Variants in DRC1 observed in about 807,000 individuals in gnomAD.
DRC1 encodes dynein regulatory complex subunit 1, also known as dynein regulatory complex protein 1.
Under a neutral mutation model 98.7 loss-of-function variants are expected in DRC1, and 74 were observed. That is an observed-to-expected ratio of 0.75 (90% CI 0.62 to 0.91). DRC1 has a LOEUF of 0.91. Ranked by LOEUF, DRC1 falls within the 40% of genes least tolerant of loss-of-function variation. DRC1 has a pLI of 0.00. For synonymous variants in DRC1, 336 were observed against 334.1 expected (o/e 1.01, Z -0.06); for missense variants, 875 against 886.0 (o/e 0.99, Z 0.16).
intron 7 of DRC1, among the ~76,000 whole-genome samples, chr2:26,433,292 G>C (rs923463377): frequency 6.6e-5 from 10 of 152,202 alleles, no homozygotes; most frequent in African/African-American, 2.2e-4. Context: ...AGAAAAAGGT[G>C]TTAGATGAAA....
chr2:26,453,272 C>T (rs1253778208), intron 13 of DRC1, 48 bp from the exon 14 acceptor site: 4 of 1,605,774 alleles, frequency 2.5e-6, no homozygotes, highest in East Asian at 2.2e-5. Flanking sequence ...TCTCCATGCT[C>T]ATGCTCGTGT....
At chr2:26,451,946 A>G (rs1340425254) in intron 13 of DRC1, among the ~76,000 whole-genome samples, 2 of 152,242 alleles carry the variant, frequency 1.3e-5, no homozygotes, top group Non-Finnish European at 1.5e-5. Flanking sequence ...AACAAAAGGA[A>G]CAGATAACAA....
Position 26,449,921 on chromosome 2 carries a change from G to C in DRC1, c.1510-75G>C, listed in dbSNP as rs141027814. 13,336 of 1,349,728 alleles carry C rather than the reference G, an allele frequency of 9.9e-3. 106 individuals are homozygous for C. The highest frequency in any genetic ancestry group is 0.012 in the Non-Finnish European group (11,658 of 960,482). The allele number at this position is 1,349,728 out of a possible 1,614,324, so 83.6% of individuals were successfully genotyped here. ...GGCATGGTCCCTGGAGTGTTACACAGGGGGCAGCTGCAGACCCTGGGACTC... is the reference window on the plus strand; with the variant it reads ...GGCATGGTCCCTGGAGTGTTACACACGGGGCAGCTGCAGACCCTGGGACTC... On this transcript the variant is annotated intron_variant, in intron 11 of 16. Transcript: ENST00000288710.
intron 2 of DRC1, among the ~76,000 whole-genome samples, chr2:26,418,709 T>TTA (rs1320440194): frequency 8.9e-5 from 10 of 111,770 alleles, no homozygotes; most frequent in African/African-American, 3.3e-4. Flanking sequence ...TATATTTAAT[T>TTA]TATATAATAT....
chr2:26,419,841 A>G (rs1437387768), intron 2 of DRC1, among the ~76,000 whole-genome samples: 2 of 152,208 alleles, frequency 1.3e-5, no homozygotes, highest in Non-Finnish European at 2.9e-5. Flanking sequence ...TGGAGATGGA[A>G]TTTACGAAGA....
intron 13 of DRC1, 30 bp downstream of exon 13, chr2:26,450,711 TTTTC>T: frequency 1.3e-6 from 2 of 1,484,214 alleles, no homozygotes; most frequent in Non-Finnish European, 1.8e-6. Context: ...GAAGAAAGCA[TTTTC>T]TTTCTTTCTT....
chr2:26,429,850 G>T, intron 5 of DRC1, 85 bp downstream of exon 5: 1 of 1,432,374 alleles, frequency 7.0e-7, no homozygotes, highest in South Asian at 1.4e-5. Flanking sequence ...TCTAAGGAGG[G>T]CCCTACATGA....
chr2:26,453,594 G>A, intron 14 of DRC1, 45 bp downstream of exon 14: 3 of 1,577,218 alleles, frequency 1.9e-6, no homozygotes, highest in Non-Finnish European at 2.6e-6. Flanking sequence ...AGAACCAGGG[G>A]AGCTGGATGG....
At chr2:26,451,426 A>G (rs1404921613) in intron 13 of DRC1, among the ~76,000 whole-genome samples, 1 of 152,278 alleles carries the variant, frequency 6.6e-6, no homozygotes, top group Non-Finnish European at 1.5e-5. Context: ...ATTAAAAGTC[A>G]TATAACATTT....
rs562609934 is a variant in DRC1, at chr2:26,445,320, C to T, written c.1396+372C>T. Reference sequence around the variant, plus strand: ...AAATGGTGATATGTTAGATTCTGTTCTTGTGTCTTTATTTAACAGAATACT... The same window carrying T: ...AAATGGTGATATGTTAGATTCTGTTTTTGTGTCTTTATTTAACAGAATACT... On this transcript the variant is annotated intron_variant, in intron 10 of 16. Transcript: ENST00000288710. Among the ~76,000 whole-genome samples, 5 of 152,254 alleles carry T rather than the reference C, an allele frequency of 3.3e-5. No individual in the cohort carries two copies. The East Asian group carries it at 9.6e-4, about 29-fold the overall frequency.
intron 2 of DRC1, among the ~76,000 whole-genome samples, chr2:26,418,211 C>G (rs1215838560): frequency 1.3e-5 from 2 of 151,980 alleles, no homozygotes; most frequent in Non-Finnish European, 2.9e-5. Context: ...CACCTTCAAC[C>G]TATATGTGCC....
rs1558438278 is a variant in DRC1 at position 26,418,673 on chromosome 2, A to AT, written c.244-2615_244-2614insT. Among the ~76,000 whole-genome samples, 3 of 83,888 alleles carry AT rather than the reference A, an allele frequency of 3.6e-5. No homozygotes were observed. In the East Asian group the frequency reaches 8.3e-4, roughly 23 times the overall value. 55.0% of individuals were successfully genotyped at this position (83,888 alleles called of 152,430 possible). Reference sequence around the variant, plus strand: ...ATATAAATTATATATTATATAAATTAAATATAATTTATATTATATATAAAT... The same window carrying AT: ...ATATAAATTATATATTATATAAATTATAATATAATTTATATTATATATAAAT... On this transcript the variant is annotated intron_variant, in intron 2 of 16. Coordinates refer to ENST00000288710, the MANE Select transcript of DRC1 (RefSeq NM_145038.5).
In DRC1 at chr2:26,421,400, G is replaced by T; in HGVS notation, c.356G>T (p.Arg119Met). 1 of 1,612,020 alleles carries T rather than the reference G, an allele frequency of 6.2e-7. No homozygotes were observed. The highest frequency in any genetic ancestry group is 8.5e-7 in the Non-Finnish European group (1 of 1,178,602). The change falls in exon 3 of 17, where the codon AGG becomes ATG. Residue 119 changes from arginine (R) to methionine (M), a missense_variant and splice_region_variant. By Grantham distance (91) the Arg-to-Met change is moderately conservative. Transcript: ENST00000288710. The part of the protein sequence containing the change: ...RVEEEEIKRQ[R>M]IEKLENEVKT... ...GAAGAAGAGGAGATAAAGCGTCAAA[G>T]GTAAGGACTGTGCTACTCTGCAGCT...
At chr2:26,440,713 A>T (rs1663696695) in intron 8 of DRC1, among the ~76,000 whole-genome samples, 196 bp downstream of exon 8, 1 of 152,182 alleles carries the variant, frequency 6.6e-6, no homozygotes, top group African/African-American at 2.4e-5. Flanking sequence ...TTCCGTCCCC[A>T]TTCATCTTGT....
At chr2:26,408,122 CTT>C (rs1678482287) in intron 1 of DRC1, among the ~76,000 whole-genome samples, 1 of 152,128 alleles carries the variant, frequency 6.6e-6, no homozygotes, top group African/African-American at 2.4e-5. Context: ...GATTCTGACT[CTT>C]TTTCAGTTGA....
chr2:26,452,749 AC>A (rs1664041275), intron 13 of DRC1, among the ~76,000 whole-genome samples: 1 of 152,216 alleles, frequency 6.6e-6, no homozygotes, highest in Admixed American at 6.5e-5. Flanking sequence ...ATGAAAAGGT[AC>A]CTAAGGTTTA....
intron 5 of DRC1, 50 bp from the exon 6 acceptor site, chr2:26,430,736 A>T (rs772250651): frequency 1.3e-6 from 2 of 1,589,160 alleles, no homozygotes; most frequent in East Asian, 4.5e-5. Context: ...CACTGGTGGG[A>T]CCTGCCCAAT....
At chr2:26,412,740 T>G (rs773934655) in intron 1 of DRC1, among the ~76,000 whole-genome samples, 45 of 152,300 alleles carry the variant, frequency 3.0e-4, no homozygotes, top group South Asian at 1.5e-3. Flanking sequence ...CATATATACT[T>G]CCAGAAAATG....
intron 7 of DRC1, among the ~76,000 whole-genome samples, chr2:26,438,788 A>G (rs1663638983): frequency 6.6e-6 from 1 of 152,182 alleles, no homozygotes; most frequent in African/African-American, 2.4e-5. Flanking sequence ...TTCCTGGGCC[A>G]GAGTCTGTAG....
Sources: gnomAD v4.1 joint callset for allele counts (sites outside exome capture counted in the v4.1 genomes callset) on GRCh38, gnomAD v4.1.1 for gene constraint, MANE v1.5 for transcripts, NCBI Gene and HGNC (gene_info 2026-07-23, HGNC 2026-07-21) for gene names.